The following EIF3E variants were observed in gnomAD, a reference collection of about 807,000 sequenced individuals.
EIF3E encodes the protein eukaryotic translation initiation factor 3 subunit E, also known as eIF-3 p48.
EIF3E carries 25 observed loss-of-function variants against 59.3 expected under a neutral mutation model. The ratio of observed to expected loss-of-function variants is 0.42; its 90% CI spans 0.31 to 0.59. EIF3E has a LOEUF of 0.59. Ranked by LOEUF, EIF3E falls within the 20% of genes least tolerant of loss-of-function variation. The pLI, the probability that EIF3E is intolerant of heterozygous loss-of-function variation, is 0.15. For synonymous variants in EIF3E, 176 were observed against 170.2 expected (o/e 1.03, Z -0.26); for missense variants, 317 against 534.3 (o/e 0.59, Z 4.01).
chr8:108,211,801 T>C (rs1815215244), intron 10 of EIF3E, among the ~76,000 whole-genome samples: 2 of 152,210 alleles, frequency 1.3e-5, no homozygotes, highest in African/African-American at 2.4e-5. Flanking sequence ...AATCATAGCA[T>C]AGCCTACTCA....
At chr8:108,240,623 C>T (rs937473404) in intron 2 of EIF3E, among the ~76,000 whole-genome samples, 1 of 152,180 alleles carries the variant, frequency 6.6e-6, no homozygotes, top group African/African-American at 2.4e-5. Flanking sequence ...TTTTACTATA[C>T]TATGAAAAGG....
At chr8:108,240,178 T>C (rs1815808229) in intron 2 of EIF3E, 103 bp from the exon 3 acceptor site, 3 of 891,868 alleles carry the variant, frequency 3.4e-6, no homozygotes, top group Admixed American at 1.7e-5. Flanking sequence ...AAACTATACA[T>C]ATATTTATTT....
chr8:108,217,159 C>A (rs1308440073), intron 8 of EIF3E, among the ~76,000 whole-genome samples, 175 bp downstream of exon 8: 1 of 152,108 alleles, frequency 6.6e-6, no homozygotes, highest in Non-Finnish European at 1.5e-5. Context: ...GTATCTTGGA[C>A]TTAAGGAAAA....
At chr8:108,214,761 T>C (rs1815271555) in intron 9 of EIF3E, 45 bp from the exon 10 acceptor site, 5 of 1,521,762 alleles carry the variant, frequency 3.3e-6, no homozygotes, top group East Asian at 2.3e-5. Context: ...TGACAAGCAA[T>C]TGCCTGAAAC....
At chr8:108,204,810 T>C (rs934480161) in intron 10 of EIF3E, among the ~76,000 whole-genome samples, 1 of 130,484 alleles carries the variant, frequency 7.7e-6, no homozygotes. Context: ...GAGACTGAAT[T>C]TCAGATAAAA....
intron 1 of EIF3E, chr8:108,242,877 G>A (rs1305510797): frequency 6.1e-6 from 1 of 165,250 alleles, no homozygotes; most frequent in African/African-American, 2.4e-5. Context: ...ACCAGTGTTG[G>A]TGTGGATGTA....
intron 1 of EIF3E, among the ~76,000 whole-genome samples, chr8:108,245,379 G>A (rs554820149): frequency 1.3e-5 from 2 of 152,272 alleles, no homozygotes; most frequent in African/African-American, 4.8e-5. Flanking sequence ...TGAGGTGGGA[G>A]AATTGCTTGA....
At chr8:108,241,206 T>A (rs982767857) in intron 2 of EIF3E, among the ~76,000 whole-genome samples, 8 of 152,200 alleles carry the variant, frequency 5.3e-5, no homozygotes, top group African/African-American at 1.7e-4. Flanking sequence ...CACAGTATAC[T>A]GTATTTCTCT....
chr8:108,229,317 G>C (rs1815578334), intron 5 of EIF3E, 122 bp from the exon 6 acceptor site: 5 of 981,380 alleles, frequency 5.1e-6, no homozygotes, highest in Middle Eastern at 2.2e-4. Flanking sequence ...ACAAAAAACT[G>C]TAATTATCTA....
At chr8:108,204,150 C>T (rs1815046613) in intron 10 of EIF3E, among the ~76,000 whole-genome samples, 2 of 151,834 alleles carry the variant, frequency 1.3e-5, no homozygotes, top group Non-Finnish European at 2.9e-5. Flanking sequence ...AGAACCAGTC[C>T]CCCAAGGATA....
At chr8:108,242,432 A>G in intron 1 of EIF3E, 1 of 1,289,208 alleles carries the variant, frequency 7.8e-7, no homozygotes, top group Non-Finnish European at 1.0e-6. Context: ...CCTATAGTAC[A>G]GGGAGCAAAT....
chr8:108,233,761 C>T, intron 5 of EIF3E: 1 of 243,858 alleles, frequency 4.1e-6, no homozygotes, highest in Non-Finnish European at 8.4e-6. Flanking sequence ...ATCTCTTGAG[C>T]GCAAGAGTTC....
intron 10 of EIF3E, 29 bp downstream of exon 10, chr8:108,214,578 A>T (rs1230541928): frequency 6.7e-7 from 1 of 1,490,862 alleles, no homozygotes; most frequent in East Asian, 2.4e-5. Context: ...TTAAAGTAGA[A>T]AATCCAAATC....
chr8:108,202,656 G>A (rs975601670), intron 12 of EIF3E, among the ~76,000 whole-genome samples: 2 of 151,934 alleles, frequency 1.3e-5, no homozygotes, highest in Non-Finnish European at 2.9e-5. Context: ...TTGAAAGAGG[G>A]CTACACATGT....
chr8:108,242,071 GGCAA>G, intron 1 of EIF3E, 158 bp from the exon 2 acceptor site: 1 of 1,381,424 alleles, frequency 7.2e-7, no homozygotes, highest in Non-Finnish European at 9.6e-7. Context: ...CAAGCAATAT[GGCAA>G]GCAACCAACC....
In EIF3E at chr8:108,203,115, A is replaced by G. The variant is rs995965420; in HGVS notation, c.1167T>C (p.Gly389=). Residue 389 remains glycine, a splice_region_variant and synonymous_variant, in exon 12 of 13, where the codon GGT becomes GGC. Coordinates refer to ENST00000220849, the MANE Select transcript of EIF3E (RefSeq NM_001568.3). ...CTGCATTGTTACCCATAACCACATG[A>G]CCCTAAAAGGAAACACAGGGAAATT... ...RLDAKIDSKL[G]HVVMGNNAVS... 1 of 1,609,752 alleles carries G rather than the reference A, an allele frequency of 6.2e-7. No homozygotes were observed. Among genetic ancestry groups the G allele is most frequent in the Non-Finnish European group, 8.5e-7 (1 of 1,178,366 alleles).
intron 10 of EIF3E, among the ~76,000 whole-genome samples, chr8:108,205,789 C>T (rs555480407): frequency 1.3e-5 from 2 of 152,178 alleles, no homozygotes; most frequent in East Asian, 3.9e-4. Context: ...CCATTTTTTA[C>T]TTAGTAATGG....
chr8:108,241,541 T>C (rs1045907697), intron 2 of EIF3E, among the ~76,000 whole-genome samples: 3 of 152,214 alleles, frequency 2.0e-5, no homozygotes, highest in Non-Finnish European at 4.4e-5. Flanking sequence ...ATGTGAATCA[T>C]AAGCACAACT....
At chr8:108,234,407 A>G (rs1231263166) in intron 5 of EIF3E, 1 of 152,222 alleles carries the variant, frequency 6.6e-6, no homozygotes, top group East Asian at 1.9e-4. Flanking sequence ...AGCCTGTCAA[A>G]TATACGGTAA....
Sources: gnomAD v4.1 joint callset for allele counts (sites outside exome capture counted in the v4.1 genomes callset) on GRCh38, gnomAD v4.1.1 for gene constraint, MANE v1.5 for transcripts, NCBI Gene and HGNC (gene_info 2026-07-23, HGNC 2026-07-21) for gene names.